The following RABGAP1L variants were observed in gnomAD, a reference collection of about 807,000 sequenced individuals.
RABGAP1L encodes the protein RAB GTPase activating protein 1 like, also known as rab GTPase-activating protein 1-like.
A neutral mutation model predicts 137.7 loss-of-function variants in RABGAP1L; 63 were observed. The observed-to-expected ratio is 0.46, with a 90% CI of 0.37 to 0.56. The LOEUF (loss-of-function observed/expected upper bound fraction) is 0.56, where lower values mean the gene tolerates loss of function less well. Ranked by LOEUF, RABGAP1L falls within the 20% of genes least tolerant of loss-of-function variation. The pLI, the probability that RABGAP1L is intolerant of heterozygous loss-of-function variation, is 0.00. For missense variants in RABGAP1L, 1,095 were observed against 1,244.0 expected, an observed-to-expected ratio of 0.88 and a Z score of 1.80; for synonymous variants, 431 against 433.7, an observed-to-expected ratio of 0.99 and a Z score of 0.08.
At position 174,255,626 on chromosome 1, in the gene RABGAP1L, G is replaced by A. The variant is rs141624373; in HGVS notation, c.986+3036G>A. Among the ~76,000 whole-genome samples the A allele has an allele frequency of 6.6e-5, 10 of 152,290 alleles. No homozygotes were observed. In the East Asian group the frequency reaches 1.9e-3, roughly 29 times the overall value. On this transcript the variant is annotated intron_variant, in intron 7 of 25. Coordinates refer to ENST00000681986, the MANE Select transcript of RABGAP1L (RefSeq NM_001366446.1). ...TGCAACCTCCACCTCCTAGGTTCCA[G>A]CTATTCTCCTGCCTCAGCCTTCTGT...
At chr1:174,420,579 T>C (rs1237893295) in intron 13 of RABGAP1L, among the ~76,000 whole-genome samples, 1 of 152,128 alleles carries the variant, frequency 6.6e-6, no homozygotes, top group Non-Finnish European at 1.5e-5. Context: ...TTCTAAATTA[T>C]CAAGAGGATT....
At chr1:174,866,241 C>T (rs1474455150) in intron 19 of RABGAP1L, among the ~76,000 whole-genome samples, 1 of 151,010 alleles carries the variant, frequency 6.6e-6, no homozygotes, top group Non-Finnish European at 1.5e-5. Context: ...ATCTTTCCCT[C>T]TATATCTATC....
At chr1:174,636,451 C>A (rs886532775) in intron 13 of RABGAP1L, among the ~76,000 whole-genome samples, 1 of 151,882 alleles carries the variant, frequency 6.6e-6, no homozygotes, top group African/African-American at 2.4e-5. Flanking sequence ...TCGCTTGAAC[C>A]CGGGAGGCGG....
chr1:174,723,106 C>A (rs977794779), intron 17 of RABGAP1L, among the ~76,000 whole-genome samples: 2 of 152,016 alleles, frequency 1.3e-5, no homozygotes, highest in African/African-American at 4.8e-5. Context: ...GGAGTTTTCG[C>A]TCTTGTTGCC....
intron 13 of RABGAP1L, among the ~76,000 whole-genome samples, chr1:174,543,607 A>G (rs2147946225): frequency 6.6e-6 from 1 of 152,278 alleles, no homozygotes; most frequent in South Asian, 2.1e-4. Context: ...TATAGTTAAT[A>G]TGGTTATGTG....
intron 13 of RABGAP1L, among the ~76,000 whole-genome samples, chr1:174,509,098 T>A (rs1662097641): frequency 6.6e-6 from 1 of 152,170 alleles, no homozygotes; most frequent in Non-Finnish European, 1.5e-5. Flanking sequence ...TAAAAATAGC[T>A]AGTCTCAATG....
chr1:174,774,360 G>A (rs1176511269), intron 18 of RABGAP1L, among the ~76,000 whole-genome samples: 1 of 152,148 alleles, frequency 6.6e-6, no homozygotes, highest in Non-Finnish European at 1.5e-5. Context: ...AGAAGCTGAG[G>A]CAGGAGGATC....
chr1:174,216,911 G>A (rs1007570503), intron 1 of RABGAP1L, among the ~76,000 whole-genome samples: 3 of 151,594 alleles, frequency 2.0e-5, no homozygotes, highest in African/African-American at 4.8e-5. Context: ...TTTATTTTCC[G>A]AAAAAAAATT....
chr1:174,215,742 G>A (rs1571588874), intron 1 of RABGAP1L, among the ~76,000 whole-genome samples: 1 of 152,094 alleles, frequency 6.6e-6, no homozygotes, highest in Non-Finnish European at 1.5e-5. Context: ...ATTAGTACAA[G>A]CACTATGAAG....
chr1:174,981,580 T>G (rs1048035780), intron 23 of RABGAP1L, among the ~76,000 whole-genome samples: 1 of 112,948 alleles, frequency 8.9e-6, no homozygotes, highest in Non-Finnish European at 1.9e-5. Flanking sequence ...TTTTTTTTTT[T>G]TGTGAGGCAA....
At chr1:174,161,175 G>A (rs1664405152) in intron 1 of RABGAP1L, among the ~76,000 whole-genome samples, 1 of 151,604 alleles carries the variant, frequency 6.6e-6, no homozygotes, top group African/African-American at 2.4e-5. Context: ...GCAGGGCAGA[G>A]TTTATATTTT....
At chr1:174,751,875 C>T (rs2148676423) in intron 17 of RABGAP1L, among the ~76,000 whole-genome samples, 1 of 152,276 alleles carries the variant, frequency 6.6e-6, no homozygotes, top group South Asian at 2.1e-4. Context: ...ATCTGTCCCA[C>T]TTATCAGCAA....
chr1:174,289,806 G>C (rs1278333066), intron 10 of RABGAP1L, among the ~76,000 whole-genome samples: 1 of 152,166 alleles, frequency 6.6e-6, no homozygotes, highest in Non-Finnish European at 1.5e-5. Flanking sequence ...AGGTCAAGTG[G>C]GACTGTTGGT....
At chr1:174,388,776 A>G (rs1558192441) in intron 12 of RABGAP1L, among the ~76,000 whole-genome samples, 1 of 152,134 alleles carries the variant, frequency 6.6e-6, no homozygotes, top group South Asian at 2.1e-4. Context: ...ATGCAGGAAG[A>G]TTTTCTAACC....
intron 1 of RABGAP1L, among the ~76,000 whole-genome samples, chr1:174,196,534 T>C (rs1460891003): frequency 2.6e-5 from 4 of 151,820 alleles, no homozygotes; most frequent in African/African-American, 4.8e-5. Flanking sequence ...TTAATCCTTT[T>C]ATTCTTTCTG....
At chr1:174,232,867 T>G (rs1382090470) in intron 4 of RABGAP1L, among the ~76,000 whole-genome samples, 1 of 152,216 alleles carries the variant, frequency 6.6e-6, no homozygotes, top group Non-Finnish European at 1.5e-5. Flanking sequence ...TAGGCACTGT[T>G]GACCTACTGC....
intron 5 of RABGAP1L, among the ~76,000 whole-genome samples, chr1:174,241,959 C>T (rs545369136): frequency 6.6e-6 from 1 of 152,258 alleles, no homozygotes; most frequent in Admixed American, 6.5e-5. Flanking sequence ...TTGCAGCTCT[C>T]TTATTATTTT....
At chr1:174,546,816 G>C (rs1201216866) in intron 13 of RABGAP1L, among the ~76,000 whole-genome samples, 1 of 151,514 alleles carries the variant, frequency 6.6e-6, no homozygotes, top group African/African-American at 2.4e-5. Context: ...GGATCACGAG[G>C]TCAGGAGATC....
In RABGAP1L at chr1:174,740,904, A is replaced by G. The variant is rs368062688; in HGVS notation, c.2170-11409A>G. ...GGCTATTCATATACTTTGCCCAAGTATGAATGGGATTATTTGTTTTTTTCC... is the reference window on the plus strand; with the variant it reads ...GGCTATTCATATACTTTGCCCAAGTGTGAATGGGATTATTTGTTTTTTTCC... On this transcript the variant is annotated intron_variant, in intron 17 of 25. Transcript: ENST00000681986. 4.6e-5 allele frequency among the ~76,000 whole-genome samples: 7 copies of G among 152,242 alleles called. No individual in the cohort carries two copies. In the East Asian group the frequency reaches 7.7e-4, roughly 17 times the overall value.
Sources: gnomAD v4.1 joint callset for allele counts (sites outside exome capture counted in the v4.1 genomes callset) on GRCh38, gnomAD v4.1.1 for gene constraint, MANE v1.5 for transcripts, NCBI Gene and HGNC (gene_info 2026-07-23, HGNC 2026-07-21) for gene names.